GPC6: variants seen among roughly 807,000 people sequenced by gnomAD.
GPC6 encodes the protein glypican-6.
In GPC6, 14 loss-of-function variants were observed where a neutral mutation model predicts 55.2. That is an observed-to-expected ratio of 0.25 (90% CI 0.17 to 0.40). The LOEUF is 0.40. Ranked by LOEUF, GPC6 falls within the 10% of genes least tolerant of loss-of-function variation. The probability of loss-of-function intolerance (pLI) is 1.00; values close to 1 mark genes in which losing one functional copy is unlikely to be tolerated. For missense variants in GPC6, 641 were observed against 708.5 expected (o/e 0.90, Z 1.08); for synonymous variants, 278 against 259.6 (o/e 1.07, Z -0.68).
intron 1 of GPC6, among the ~76,000 whole-genome samples, chr13:93,252,837 G>T (rs1352696055): frequency 6.6e-6 from 1 of 152,084 alleles, no homozygotes; most frequent in Non-Finnish European, 1.5e-5. Flanking sequence ...TTCTTACCAG[G>T]CATACCTTCC....
intron 2 of GPC6, among the ~76,000 whole-genome samples, chr13:93,607,577 T>C (rs1004203766): frequency 3.9e-5 from 6 of 152,116 alleles, no homozygotes; most frequent in Non-Finnish European, 7.4e-5. Context: ...CTCTAACAGG[T>C]AGTGGGCACA....
rs150654431 is a variant in GPC6 at position 93,457,744 on chromosome 13, G to A, written c.161-87519G>A. Among the ~76,000 whole-genome samples, 116 of 152,180 alleles carry A rather than the reference G, an allele frequency of 7.6e-4. 1 individual carries two copies. The East Asian group carries it at 0.02, about 26-fold the overall frequency. On this transcript the variant is annotated intron_variant, in intron 1 of 8. Transcript: ENST00000377047. ...CTTAAATTCAAAGAAGTAGAGAAACGCAGTTCATCCTATGTGACAAGAAAG... is the reference window on the plus strand; with the variant it reads ...CTTAAATTCAAAGAAGTAGAGAAACACAGTTCATCCTATGTGACAAGAAAG...
intron 3 of GPC6, among the ~76,000 whole-genome samples, chr13:93,909,703 G>A (rs1489303319): frequency 8.7e-6 from 1 of 114,798 alleles, no homozygotes; most frequent in Non-Finnish European, 1.9e-5. Context: ...TTGAATGGAA[G>A]CAGAAGGATT....
intron 4 of GPC6, among the ~76,000 whole-genome samples, chr13:94,034,085 A>C (rs1331444108): frequency 6.6e-6 from 1 of 152,144 alleles, no homozygotes; most frequent in Admixed American, 6.6e-5. Flanking sequence ...TTTCTTTTAC[A>C]GTCATTGACT....
intron 3 of GPC6, among the ~76,000 whole-genome samples, chr13:94,022,232 C>T (rs1416155471): frequency 6.6e-6 from 1 of 151,950 alleles, no homozygotes; most frequent in Non-Finnish European, 1.5e-5. Context: ...ACTTATATAT[C>T]CCCATTTCCT....
chr13:93,686,283 T>G (rs9589811), intron 2 of GPC6, among the ~76,000 whole-genome samples: 12 of 152,272 alleles, frequency 7.9e-5, no homozygotes, highest in Admixed American at 2.6e-4. Flanking sequence ...AGAAGCATAC[T>G]GGATAAAATC....
chr13:94,188,844 G>A (rs1594038804), intron 4 of GPC6, among the ~76,000 whole-genome samples: 1 of 152,164 alleles, frequency 6.6e-6, no homozygotes, highest in African/African-American at 2.4e-5. Context: ...CTGCTGAAGA[G>A]CTTTCCTCAA....
intron 6 of GPC6, among the ~76,000 whole-genome samples, chr13:94,359,026 C>G (rs771758283): frequency 6.6e-6 from 1 of 152,180 alleles, no homozygotes; most frequent in Non-Finnish European, 1.5e-5. Flanking sequence ...TTGTCCTTTC[C>G]TCTCGACCAT....
At chr13:93,261,560 A>G (rs1019819334) in intron 1 of GPC6, among the ~76,000 whole-genome samples, 11 of 152,172 alleles carry the variant, frequency 7.2e-5, no homozygotes, top group East Asian at 1.9e-4. Context: ...TTAGATAAAT[A>G]TATTTTGTAA....
At chr13:94,001,064 C>G (rs1394259458) in intron 3 of GPC6, among the ~76,000 whole-genome samples, 1 of 152,078 alleles carries the variant, frequency 6.6e-6, no homozygotes, top group East Asian at 2.0e-4. Context: ...TATTACCTAG[C>G]TTAAAAGACA....
At chr13:93,687,672 A>T (rs1882098813) in intron 2 of GPC6, among the ~76,000 whole-genome samples, 1 of 152,098 alleles carries the variant, frequency 6.6e-6, no homozygotes, top group Admixed American at 6.6e-5. Context: ...TAAAGTTCTT[A>T]AAATGCTCCC....
intron 6 of GPC6, among the ~76,000 whole-genome samples, chr13:94,357,548 G>T (rs1878858465): frequency 3.3e-5 from 5 of 152,188 alleles, no homozygotes; most frequent in Admixed American, 3.3e-4. Context: ...TGGTACCCAG[G>T]CCTTGAGAAT....
intron 4 of GPC6, among the ~76,000 whole-genome samples, chr13:94,259,645 T>C (rs1891600923): frequency 6.6e-6 from 1 of 152,184 alleles, no homozygotes; most frequent in African/African-American, 2.4e-5. Context: ...CCATTAAAAA[T>C]AATTCCCCAT....
At chr13:93,975,053 A>G (rs1329063343) in intron 3 of GPC6, among the ~76,000 whole-genome samples, 1 of 152,126 alleles carries the variant, frequency 6.6e-6, no homozygotes, top group Non-Finnish European at 1.5e-5. Context: ...CAGCTTCAGC[A>G]TTGCCTGGGA....
intron 2 of GPC6, among the ~76,000 whole-genome samples, chr13:93,561,708 T>C (rs1215165986): frequency 2.0e-5 from 3 of 152,078 alleles, no homozygotes; most frequent in Admixed American, 6.6e-5. Context: ...CAACCCCCAG[T>C]TGGAGATAGT....
At chr13:93,741,645 T>C (rs1036870723) in intron 2 of GPC6, among the ~76,000 whole-genome samples, 2 of 152,192 alleles carry the variant, frequency 1.3e-5, no homozygotes, top group African/African-American at 4.8e-5. Context: ...CCTATATCTA[T>C]GTTTGCTTTC....
At chr13:94,161,103 C>T (rs547277987) in intron 4 of GPC6, among the ~76,000 whole-genome samples, 1 of 152,252 alleles carries the variant, frequency 6.6e-6, no homozygotes, top group East Asian at 1.9e-4. Flanking sequence ...AGGTGTTTGC[C>T]TCAGTGAATC....
intron 2 of GPC6, among the ~76,000 whole-genome samples, chr13:93,726,058 G>A (rs1219816702): frequency 3.3e-4 from 50 of 149,296 alleles, no homozygotes; most frequent in Non-Finnish European, 8.9e-5. Flanking sequence ...ACTTCATGGA[G>A]GACAACAAAT....
intron 4 of GPC6, among the ~76,000 whole-genome samples, chr13:94,050,376 G>A (rs567216325): frequency 7.9e-5 from 12 of 152,164 alleles, no homozygotes; most frequent in East Asian, 1.9e-4. Context: ...TTGTGAGAGC[G>A]TGGGTGTGTT....
Sources: allele counts gnomAD v4.1 joint callset (sites outside exome capture counted in the v4.1 genomes callset), GRCh38; gene constraint gnomAD v4.1.1; transcripts MANE v1.5; gene names NCBI Gene and HGNC (gene_info 2026-07-23, HGNC 2026-07-21).